CHRNB3: variants seen among roughly 807,000 people sequenced by gnomAD.
CHRNB3 encodes cholinergic receptor nicotinic beta 3 subunit.
In CHRNB3, 37 loss-of-function variants were observed where a neutral mutation model predicts 40.6. That is an observed-to-expected ratio of 0.91 (90% CI 0.70 to 1.20). CHRNB3 has a LOEUF of 1.20. Among genes scored for constraint, CHRNB3 ranks in the 50% most tolerant of loss-of-function variants. The pLI is 0.00. For synonymous variants in CHRNB3, 207 were observed against 207.1 expected (o/e 1.00, Z 0.00); for missense variants, 505 against 551.2 (o/e 0.92, Z 0.84).
chr8:42,702,842 T>C (rs1290044056), intron 1 of CHRNB3, among the ~76,000 whole-genome samples: 2 of 152,208 alleles, frequency 1.3e-5, no homozygotes, highest in Non-Finnish European at 2.9e-5. Flanking sequence ...AATACAATGC[T>C]AACAGCAAAA....
chr8:42,708,615 C>A, intron 1 of CHRNB3, 102 bp from the exon 2 acceptor site: 1 of 1,308,558 alleles, frequency 7.6e-7, no homozygotes, highest in Non-Finnish European at 1.1e-6. Flanking sequence ...GAAACAGACA[C>A]AGCCTATGGT....
At chr8:42,730,461 A>T (rs1816386778) in intron 3 of CHRNB3, 133 bp from the exon 4 acceptor site, 1 of 558,180 alleles carries the variant, frequency 1.8e-6, no homozygotes, top group Admixed American at 3.4e-5. Context: ...CAGTAGGGTC[A>T]CGCAGTCCAA....
chr8:42,716,035 G>A (rs77389775), intron 3 of CHRNB3, among the ~76,000 whole-genome samples: 2 of 144,874 alleles, frequency 1.4e-5, no homozygotes, highest in African/African-American at 2.5e-5. Flanking sequence ...CTGGAGCGCA[G>A]TGGCATGATC....
At chr8:42,733,532 T>C (rs1816464279) in intron 5 of CHRNB3, among the ~76,000 whole-genome samples, 1 of 151,752 alleles carries the variant, frequency 6.6e-6, no homozygotes. Context: ...TCAGCTCCGT[T>C]GTATAAGCAG....
chr8:42,725,093 T>C (rs895505188), intron 3 of CHRNB3, among the ~76,000 whole-genome samples: 10 of 142,508 alleles, frequency 7.0e-5, no homozygotes, highest in African/African-American at 1.2e-4. Flanking sequence ...TTCTTTCTTT[T>C]TTTTTTTTTT....
At chr8:42,736,156 C>T (rs140811426) in intron 5 of CHRNB3, among the ~76,000 whole-genome samples, 529 of 152,264 alleles carry the variant, frequency 3.5e-3, no homozygotes, top group Non-Finnish European at 5.3e-3. Context: ...CGTGAGCCAC[C>T]GCACCTGGCC....
chr8:42,718,427 A>G (rs947553103), intron 3 of CHRNB3, among the ~76,000 whole-genome samples: 3 of 152,088 alleles, frequency 2.0e-5, no homozygotes, highest in Non-Finnish European at 2.9e-5. Context: ...TAATCCCAGC[A>G]CTTTGGGAGG....
Position 42,736,876 on chromosome 8 carries a change from T to C in CHRNB3, c.*258T>C. On this transcript the variant is annotated 3_prime_UTR_variant, in exon 6 of 6. Coordinates refer to ENST00000289957, the MANE Select transcript of CHRNB3 (RefSeq NM_000749.5). ...CAGACATTCAGGGAGGGATCATAGGTCCAGGCTTGAGCTCACATGTGGCCA... is the reference window on the plus strand; with the variant it reads ...CAGACATTCAGGGAGGGATCATAGGCCCAGGCTTGAGCTCACATGTGGCCA... 1 of 495,230 alleles carries C rather than the reference T, an allele frequency of 2.0e-6. No individual in the cohort carries two copies. The allele number at this position is 495,230 out of a possible 1,614,324, so 30.7% of individuals were successfully genotyped here.
chr8:42,716,895 A>T (rs1421192927), intron 3 of CHRNB3, among the ~76,000 whole-genome samples: 5 of 152,148 alleles, frequency 3.3e-5, no homozygotes, highest in Non-Finnish European at 7.4e-5. Flanking sequence ...TAGCTGAGAC[A>T]GTTTGTTCTC....
Position 42,732,156 on chromosome 8 carries a change from A to G in CHRNB3, c.849A>G (p.Glu283=), listed in dbSNP as rs140303301. The part of the protein sequence containing the change: ...VSLTVFLLVI[E]EIIPSSSKVI... ...TGACAGTTTTCCTTTTAGTGATTGA[A>G]GAAATCATCCCATCGTCTTCCAAAG... The change falls in exon 5 of 6, where the codon GAA becomes GAG. Residue 283 remains glutamate, a synonymous_variant. Transcript: ENST00000289957. 2 of 1,611,086 alleles carry G rather than the reference A, an allele frequency of 1.2e-6. No individual in the cohort carries two copies. Among genetic ancestry groups the G allele is most frequent in the Non-Finnish European group, 8.5e-7 (1 of 1,179,136 alleles).
At chr8:42,699,111 T>A (rs1240620892) in intron 1 of CHRNB3, among the ~76,000 whole-genome samples, 1 of 152,268 alleles carries the variant, frequency 6.6e-6, no homozygotes, top group Non-Finnish European at 1.5e-5. Flanking sequence ...TTACATTTTT[T>A]AACTTTACTA....
At position 42,731,840 on chromosome 8, in the gene CHRNB3, G is replaced by C; in HGVS notation, c.533G>C (p.Gly178Ala). Residue 178 changes from glycine (G) to alanine (A), a missense_variant, in exon 5 of 6, where the codon GGC (glycine) becomes GCC (alanine). Coordinates refer to ENST00000289957, the MANE Select transcript of CHRNB3 (RefSeq NM_000749.5). The stretch of plus-strand genomic sequence containing the variant: ...AAGTTTGGATCCTGGACTTATGATG[G>C]CACCATGGTTGACCTCATTTTGATC... ...SMKFGSWTYD[G>A]TMVDLILINE... 1 of 1,614,090 alleles carries C rather than the reference G, an allele frequency of 6.2e-7. No individual in the cohort carries two copies. Among genetic ancestry groups the C allele is most frequent in the Non-Finnish European group, 8.5e-7 (1 of 1,180,028 alleles).
Position 42,731,985 on chromosome 8 carries a change from C to T in CHRNB3, c.678C>T (p.Ser226=), listed in dbSNP as rs528159249. The part of the protein sequence containing the change: ...GVYSYPFITY[S]FVLRRLPLFY... Reference sequence around the variant, plus strand: ...ACTCCTATCCCTTTATCACGTATTCCTTCGTCCTGAGACGCCTGCCTTTAT... The same window carrying T: ...ACTCCTATCCCTTTATCACGTATTCTTTCGTCCTGAGACGCCTGCCTTTAT... Residue 226 remains serine, a synonymous_variant, in exon 5 of 6, where the codon TCC becomes TCT. Coordinates refer to ENST00000289957, the MANE Select transcript of CHRNB3 (RefSeq NM_000749.5). 1.9e-6 allele frequency: 3 copies of T among 1,614,062 alleles called. No homozygotes were observed. The highest frequency in any genetic ancestry group is 1.1e-5 in the South Asian group (1 of 91,062).
chr8:42,735,064 C>G (rs946988203), intron 5 of CHRNB3, among the ~76,000 whole-genome samples: 1 of 150,822 alleles, frequency 6.6e-6, no homozygotes, highest in African/African-American at 2.4e-5. Flanking sequence ...ACAAAAAATA[C>G]AAAAAATTAG....
chr8:42,734,880 G>A (rs1278190241), intron 5 of CHRNB3, among the ~76,000 whole-genome samples: 1 of 152,108 alleles, frequency 6.6e-6, no homozygotes, highest in African/African-American at 2.4e-5. Context: ...ACATTCAGCT[G>A]TCAAGTTGGG....
intron 3 of CHRNB3, among the ~76,000 whole-genome samples, chr8:42,722,521 C>G (rs1055705664): frequency 6.6e-6 from 1 of 151,980 alleles, no homozygotes; most frequent in South Asian, 2.1e-4. Context: ...GGACACAGTA[C>G]AGTATGATTT....
chr8:42,732,195 T>A lies in CHRNB3; in HGVS notation c.888T>A (p.Ile296=). The change falls in exon 5 of 6, where the codon ATT becomes ATA. Residue 296 remains isoleucine (I), a synonymous_variant. Transcript: ENST00000289957. ...CGTCTTCCAAAGTCATTCCTCTCAT[T>A]GGAGAGTACCTGCTGTTCATCATGA... ...IPSSSKVIPL[I]GEYLLFIMIF... 1 of 1,609,322 alleles carries A rather than the reference T, an allele frequency of 6.2e-7. No individual in the cohort carries two copies. The highest frequency in any genetic ancestry group is 8.5e-7 in the Non-Finnish European group (1 of 1,178,454).
chr8:42,703,435 A>AAAAAATAT lies in CHRNB3; in HGVS notation c.53-5281_53-5280insAAAATATA. On this transcript the variant is annotated intron_variant, in intron 1 of 5. Transcript: ENST00000289957. The stretch of plus-strand genomic sequence containing the variant: ...CAAGACTTCGTCTAAAAAAAAAAAA[A>AAAAAATAT]ATATTTATATATATATATATATATA... Among the ~76,000 whole-genome samples, 10 of 47,406 alleles carry AAAAAATAT rather than the reference A, an allele frequency of 2.1e-4. 1 individual carries two copies. In the South Asian group the frequency reaches 2.6e-3, roughly 13 times the overall value. 31.1% of individuals were successfully genotyped at this position (47,406 alleles called of 152,430 possible).
chr8:42,730,431 T>C (rs971290719), intron 3 of CHRNB3, among the ~76,000 whole-genome samples, 163 bp from the exon 4 acceptor site: 7 of 152,130 alleles, frequency 4.6e-5, no homozygotes, highest in African/African-American at 1.7e-4. Flanking sequence ...TGGCTCAAGG[T>C]GAATCCTGTA....
Sources: allele counts gnomAD v4.1 joint callset (sites outside exome capture counted in the v4.1 genomes callset), GRCh38; gene constraint gnomAD v4.1.1; transcripts MANE v1.5; gene names NCBI Gene and HGNC (gene_info 2026-07-23, HGNC 2026-07-21).